ADGRD1: variants seen among roughly 807,000 people sequenced by gnomAD.
The protein encoded by ADGRD1 is adhesion G protein-coupled receptor D1.
In ADGRD1, 77 loss-of-function variants were observed where a neutral mutation model predicts 113.4. That is an observed-to-expected ratio of 0.68 (90% CI 0.57 to 0.82). The LOEUF is 0.82. ADGRD1 is among the 40% of genes least tolerant of loss of function. The probability of loss-of-function intolerance (pLI) is 0.00; values close to 1 mark genes in which losing one functional copy is unlikely to be tolerated. For missense variants in ADGRD1, 1,036 were observed against 1,139.1 expected (o/e 0.91, Z 1.30); for synonymous variants, 474 against 475.0 (o/e 1.00, Z 0.03).
At position 131,075,551 on chromosome 12, in the gene ADGRD1, C is replaced by A. The variant is rs1885534327; in HGVS notation, c.1474-1250C>A. Among the ~76,000 whole-genome samples, 1 of 152,204 alleles carries A rather than the reference C, an allele frequency of 6.6e-6. No individual in the cohort carries two copies. The highest frequency in any genetic ancestry group is 1.5e-5 in the Non-Finnish European group (1 of 68,034). Reference sequence around the variant, plus strand: ...GACAAAGCAAAAAGAGTAAACGTTCCATTTTGCCAAAACATTAGTAGTAGA... The same window carrying A: ...GACAAAGCAAAAAGAGTAAACGTTCAATTTTGCCAAAACATTAGTAGTAGA... On this transcript the variant is annotated intron_variant, in intron 13 of 24. Transcript: ENST00000261654. This position sits in a 1 kb window ranked among gnomAD's most constrained non-coding sequence, Gnocchi z 5.3.
chr12:130,997,697 A>G (rs1875767186), intron 8 of ADGRD1, among the ~76,000 whole-genome samples: 1 of 149,884 alleles, frequency 6.7e-6, no homozygotes, highest in East Asian at 2.0e-4. Context: ...GCGGCCGGGC[A>G]GAGACGCTCC....
At chr12:130,999,091 T>C (rs184434085) in intron 8 of ADGRD1, among the ~76,000 whole-genome samples, 1 of 152,402 alleles carries the variant, frequency 6.6e-6, no homozygotes, top group Non-Finnish European at 1.5e-5. Flanking sequence ...TGCTTGCTGC[T>C]AGAAAATTTA....
At chr12:131,049,431 A>G (rs1883161868) in intron 13 of ADGRD1, among the ~76,000 whole-genome samples, 1 of 152,148 alleles carries the variant, frequency 6.6e-6, no homozygotes, top group African/African-American at 2.4e-5. Context: ...TTCGATCTCC[A>G]TGCCTACTTT....
At chr12:131,132,178 C>T (rs1188941914) in intron 21 of ADGRD1, among the ~76,000 whole-genome samples, 2 of 152,204 alleles carry the variant, frequency 1.3e-5, no homozygotes, top group East Asian at 1.9e-4. Flanking sequence ...CTGCTGGGCT[C>T]AGCGAGTTTA....
intron 13 of ADGRD1, among the ~76,000 whole-genome samples, chr12:131,076,315 G>A (rs556569591): frequency 5.3e-5 from 8 of 152,202 alleles, no homozygotes; most frequent in African/African-American, 9.7e-5. Flanking sequence ...TATGTAATAT[G>A]CCACATGGTG....
At chr12:131,020,755 C>T (rs1361291416) in intron 13 of ADGRD1, among the ~76,000 whole-genome samples, 1 of 152,236 alleles carries the variant, frequency 6.6e-6, no homozygotes, top group African/African-American at 2.4e-5. Context: ...CAGGACTGGG[C>T]ACCTCCTCAA....
At chr12:131,114,751 C>T (rs1227880779) in intron 18 of ADGRD1, among the ~76,000 whole-genome samples, 1 of 151,888 alleles carries the variant, frequency 6.6e-6, no homozygotes, top group Non-Finnish European at 1.5e-5. Context: ...GCATCAAATC[C>T]ACACCTTACC....
chr12:131,043,406 C>T (rs1266199962), intron 13 of ADGRD1, among the ~76,000 whole-genome samples: 1 of 152,222 alleles, frequency 6.6e-6, no homozygotes, highest in Non-Finnish European at 1.5e-5. Flanking sequence ...GAAAACCATC[C>T]CTTTGGGTGC....
Position 131,104,820 on chromosome 12 carries a change from G to C in ADGRD1, c.1672-11G>C. ...GGCCTGCTGCTGACGCCTCTGCTCT[G>C]CTCCCCGCAGCTTGCACGCGGACAC... On this transcript the variant is annotated splice_polypyrimidine_tract_variant and intron_variant, in intron 15 of 24. Transcript: ENST00000261654. 6.5e-7 allele frequency: 1 copy of C among 1,542,152 alleles called. No individual in the cohort carries two copies. Among genetic ancestry groups the C allele is most frequent in the South Asian group, 1.2e-5 (1 of 83,822 alleles).
At chr12:131,020,107 G>GGGGCAGAACCCTGAGCTCCGTCCA (rs1879134084) in intron 13 of ADGRD1, among the ~76,000 whole-genome samples, 4 of 64,968 alleles carry the variant, frequency 6.2e-5, no homozygotes, top group South Asian at 1.2e-3. Flanking sequence ...AGATATTCCA[G>GGGGCAGAACCCTGAGCTCCGTCCA]GGGCAGGACC....
intron 2 of ADGRD1, chr12:130,957,133 C>G (rs1869707418): frequency 6.6e-6 from 1 of 152,330 alleles, no homozygotes; most frequent in Non-Finnish European, 1.5e-5. Context: ...CATGCACACA[C>G]CCACACCCAC....
At chr12:130,968,046 A>G (rs1871211126) in intron 3 of ADGRD1, 1 of 152,260 alleles carries the variant, frequency 6.6e-6, no homozygotes, top group African/African-American at 2.4e-5. Context: ...TTCTTGAAAC[A>G]GCTCACTGTT....
At chr12:131,000,099 C>T (rs554441569) in intron 8 of ADGRD1, among the ~76,000 whole-genome samples, 11 of 152,324 alleles carry the variant, frequency 7.2e-5, no homozygotes, top group Middle Eastern at 3.4e-3. Flanking sequence ...GTCCCCCAGG[C>T]GCTGTGCTAG....
Position 131,136,220 on chromosome 12 carries a change from T to C in ADGRD1, c.2394+57T>C, listed in dbSNP as rs1951082116. 4 of 1,600,016 alleles carry C rather than the reference T, an allele frequency of 2.5e-6. No individual in the cohort carries two copies. In the East Asian group the frequency reaches 9.0e-5, roughly 36 times the overall value. On this transcript the variant is annotated intron_variant, in intron 22 of 24. Transcript: ENST00000261654. ...GGCCGCCAGCCATCAGGAGCAGGCTTGCAGGGAGCTAGGGCTGCAGGGGCA... is the reference window on the plus strand; with the variant it reads ...GGCCGCCAGCCATCAGGAGCAGGCTCGCAGGGAGCTAGGGCTGCAGGGGCA...
chr12:131,123,057 T>G (rs866456839), intron 20 of ADGRD1, among the ~76,000 whole-genome samples: 7,515 of 129,234 alleles, frequency 0.058, 217 homozygotes, highest in Non-Finnish European at 0.08. Context: ...TTTTTTTTTT[T>G]TTTTTTTTTT....
intron 14 of ADGRD1, among the ~76,000 whole-genome samples, chr12:131,081,330 T>C (rs189003808): frequency 7.2e-5 from 11 of 152,346 alleles, no homozygotes; most frequent in Admixed American, 6.5e-4. Context: ...GCTAGATGTC[T>C]TCTAACTTTT....
intron 3 of ADGRD1, chr12:130,967,017 A>G: frequency 2.2e-6 from 1 of 455,688 alleles, no homozygotes; most frequent in Non-Finnish European, 4.4e-6. Flanking sequence ...ATTTTCCCCA[A>G]CAATCTTGAA....
intron 13 of ADGRD1, among the ~76,000 whole-genome samples, chr12:131,017,932 ACACT>A (rs1335804697): frequency 1.3e-5 from 2 of 151,880 alleles, no homozygotes; most frequent in African/African-American, 2.4e-5. Flanking sequence ...GCACAGACAC[ACACT>A]CAGTACACAC....
chr12:131,052,989 C>G (rs1298659331), intron 13 of ADGRD1, among the ~76,000 whole-genome samples: 1 of 152,178 alleles, frequency 6.6e-6, no homozygotes, highest in Non-Finnish European at 1.5e-5. Context: ...GTTTATAGCA[C>G]AGAATATGTC....
Sources: allele counts gnomAD v4.1 joint callset (sites outside exome capture counted in the v4.1 genomes callset), GRCh38; gene constraint gnomAD v4.1.1; non-coding constraint Gnocchi (gnomAD v3.1); transcripts MANE v1.5; gene names NCBI Gene and HGNC (gene_info 2026-07-23, HGNC 2026-07-21).